S100Z: variants seen among roughly 807,000 people sequenced by gnomAD.
S100Z encodes the protein S100 calcium binding protein Z.
A neutral mutation model predicts 8.5 loss-of-function variants in S100Z; 11 were observed. That is an observed-to-expected ratio of 1.30 (90% CI 0.82 to 2.15). The LOEUF (loss-of-function observed/expected upper bound fraction) is 2.15, where lower values mean the gene tolerates loss of function less well. S100Z is among the 30% of genes most tolerant of loss of function. The pLI is 0.00. For synonymous variants in S100Z, 34 were observed against 43.8 expected (o/e 0.78, Z 0.89); for missense variants, 126 against 117.9 (o/e 1.07, Z -0.32).
intron 1 of S100Z, among the ~76,000 whole-genome samples, chr5:76,858,462 G>A (rs1750948290): frequency 6.6e-6 from 1 of 152,038 alleles, no homozygotes; most frequent in Non-Finnish European, 1.5e-5. Flanking sequence ...GGCAGAGATT[G>A]CAGTGAGCTG....
intron 4 of S100Z, among the ~76,000 whole-genome samples, chr5:76,905,819 A>G (rs1744405006): frequency 6.6e-6 from 1 of 152,188 alleles, no homozygotes; most frequent in Non-Finnish European, 1.5e-5. Flanking sequence ...ACAGTACTTT[A>G]CAAATAATAA....
chr5:76,904,979 T>G (rs1479057558), intron 4 of S100Z, among the ~76,000 whole-genome samples: 1 of 152,190 alleles, frequency 6.6e-6, no homozygotes, highest in African/African-American at 2.4e-5. Flanking sequence ...TCCAGTGGTT[T>G]TCAAACGAAG....
the S100Z span, among the ~76,000 whole-genome samples, chr5:76,928,878 T>C: frequency 6.6e-6 from 1 of 152,246 alleles, no homozygotes; most frequent in Non-Finnish European, 1.5e-5. Context: ...CAGCTGGGAC[T>C]GCAGAGGTGT....
chr5:76,862,990 T>C lies in S100Z; in HGVS notation c.-175-7176T>C, dbSNP rs1378492411. ...TTTTTGCTTTGTTTCTGTGTTTTGT[T>C]CAATTCTTTGTTCAACACACCATGA... is the stretch of plus-strand genomic sequence containing the variant. On this transcript the variant is annotated intron_variant, in intron 1 of 4. Transcript: ENST00000317593. Among the ~76,000 whole-genome samples the C allele has an allele frequency of 2.0e-5, 3 of 152,198 alleles. 1 individual carries two copies. The East Asian group carries it at 5.8e-4, about 29-fold the overall frequency.
intron 4 of S100Z, among the ~76,000 whole-genome samples, chr5:76,883,112 A>T (rs1221038773): frequency 2.6e-5 from 4 of 152,172 alleles, no homozygotes; most frequent in African/African-American, 9.7e-5. Context: ...ATCCTTTTAA[A>T]GCATGCTGTG....
rs145309331 is a variant in S100Z at position 76,907,251 on chromosome 5, A to G, written c.*3-13466A>G. ...AACACTTATTCTGTTCCATTGATCT[A>G]TATGTCTATCCTTTCCTGATACCAT... On this transcript the variant is annotated intron_variant, in intron 4 of 4. Transcript: ENST00000317593. 3.4e-3 allele frequency among the ~76,000 whole-genome samples: 510 copies of G among 151,906 alleles called. 4 individuals carry two copies. The highest frequency in any genetic ancestry group is 0.011 in the African/African-American group (476 of 41,436).
At chr5:76,887,207 G>A (rs1167730378) in intron 4 of S100Z, among the ~76,000 whole-genome samples, 2 of 145,800 alleles carry the variant, frequency 1.4e-5, no homozygotes, top group African/African-American at 5.1e-5. Flanking sequence ...AGCGATTTTC[G>A]TGCCTGAGCC....
chr5:76,943,343 T>G, the S100Z span, among the ~76,000 whole-genome samples: 3 of 152,212 alleles, frequency 2.0e-5, no homozygotes, highest in Non-Finnish European at 2.9e-5. Flanking sequence ...AAGGCACATA[T>G]TGCATGAGAG....
rs148288662 is a variant in S100Z, at chr5:76,875,477, C to G, written c.118C>G (p.Arg40Gly). Reference protein sequence around the residue: ...SKGELKLLLQRELTEFLSCQK... With the variant: ...SKGELKLLLQGELTEFLSCQK... Reference sequence around the variant, plus strand: ...GGGGGAACTGAAACTGCTCCTGCAGCGAGAGCTCACGGAATTCCTCTCGGT... The same window carrying G: ...GGGGGAACTGAAACTGCTCCTGCAGGGAGAGCTCACGGAATTCCTCTCGGT... The change falls in exon 3 of 5, where the codon CGA (arginine) becomes GGA (glycine). Residue 40 changes from arginine (R) to glycine (G), a missense_variant. By Grantham distance (125) the Arg-to-Gly change is moderately radical (BLOSUM62 -2). Coordinates refer to ENST00000317593, the MANE Select transcript of S100Z (RefSeq NM_130772.4). 590 of 1,610,004 alleles carry G rather than the reference C, an allele frequency of 3.7e-4. 6 individuals carry two copies. In the Middle Eastern group the frequency reaches 4.5e-3, roughly 12 times the overall value.
intron 4 of S100Z, among the ~76,000 whole-genome samples, chr5:76,903,118 C>A (rs1744293473): frequency 6.6e-6 from 1 of 152,196 alleles, no homozygotes; most frequent in Non-Finnish European, 1.5e-5. Context: ...ACCCAGGAGG[C>A]AGAGGTTGCA....
the S100Z span, among the ~76,000 whole-genome samples, chr5:76,940,568 A>G: frequency 1.3e-5 from 2 of 152,114 alleles, no homozygotes; most frequent in East Asian, 1.9e-4. Context: ...ATCTGCCACC[A>G]CACCTAGCTA....
rs1029806454 is a variant in S100Z at position 76,875,744 on chromosome 5, T to C, written c.141+244T>C. Among the ~76,000 whole-genome samples, 10 of 152,334 alleles carry C rather than the reference T, an allele frequency of 6.6e-5. 1 individual carries two copies. Among genetic ancestry groups the C allele is most frequent in the Admixed American group, 2.0e-4 (3 of 15,300 alleles). ...AGTGGTAAAAATTGTATTTTTGACT[T>C]TCACCAATTAACATTCTGGTGCGGC... On this transcript the variant is annotated intron_variant, in intron 3 of 4. Coordinates refer to ENST00000317593, the MANE Select transcript of S100Z (RefSeq NM_130772.4).
At chr5:76,911,460 C>T (rs1197871629) in intron 4 of S100Z, among the ~76,000 whole-genome samples, 1 of 152,224 alleles carries the variant, frequency 6.6e-6, no homozygotes, top group Non-Finnish European at 1.5e-5. Context: ...CCCCTGCACT[C>T]TGACTCCCAG....
intron 4 of S100Z, among the ~76,000 whole-genome samples, chr5:76,919,954 G>T (rs1319871560): frequency 2.0e-5 from 3 of 149,476 alleles, no homozygotes; most frequent in Non-Finnish European, 4.4e-5. Flanking sequence ...TGTAGCCCAG[G>T]CTGGAGTGCA....
At chr5:76,874,183 G>C (rs75806090) in intron 2 of S100Z, among the ~76,000 whole-genome samples, 7 of 150,574 alleles carry the variant, frequency 4.6e-5, no homozygotes, top group Non-Finnish European at 7.4e-5. Flanking sequence ...AAATCAGTGC[G>C]TGGAGCACTT....
chr5:76,854,074 G>A (rs1261123368), intron 1 of S100Z, among the ~76,000 whole-genome samples: 1 of 152,186 alleles, frequency 6.6e-6, no homozygotes, highest in African/African-American at 2.4e-5. Context: ...AGCAGATGCT[G>A]CTATGCTTCC....
intron 1 of S100Z, among the ~76,000 whole-genome samples, chr5:76,851,327 T>C (rs903780184): frequency 1.3e-5 from 2 of 152,040 alleles, no homozygotes; most frequent in Non-Finnish European, 2.9e-5. Context: ...AGTGAGGAGC[T>C]CAGGTGTGCC....
At chr5:76,862,048 A>G (rs1010821361) in intron 1 of S100Z, among the ~76,000 whole-genome samples, 1 of 152,048 alleles carries the variant, frequency 6.6e-6, no homozygotes, top group East Asian at 1.9e-4. Flanking sequence ...ATTCAATGCC[A>G]TGAAATTACT....
At chr5:76,944,507 T>C in the S100Z span, among the ~76,000 whole-genome samples, 3 of 152,132 alleles carry the variant, frequency 2.0e-5, no homozygotes, top group African/African-American at 7.2e-5. Context: ...ATCTGTTGTT[T>C]AGAGTTTGTT....
Sources: gnomAD v4.1 joint callset for allele counts (sites outside exome capture counted in the v4.1 genomes callset) on GRCh38, gnomAD v4.1.1 for gene constraint, MANE v1.5 for transcripts, NCBI Gene and HGNC (gene_info 2026-07-23, HGNC 2026-07-21) for gene names.